Variants in ABTB2 observed in about 807,000 individuals in gnomAD.
The protein encoded by ABTB2 is ankyrin repeat and BTB domain containing 2.
A neutral mutation model predicts 104.1 loss-of-function variants in ABTB2; 56 were observed. The ratio of observed to expected loss-of-function variants is 0.54; its 90% CI spans 0.43 to 0.67. The LOEUF is 0.67. Among genes scored for constraint, ABTB2 ranks in the 30% least tolerant of loss-of-function variants. ABTB2 has a pLI of 0.00. For synonymous variants in ABTB2, 606 were observed against 608.2 expected, an observed-to-expected ratio of 1.00 and a Z score of 0.05; for missense variants, 1,279 against 1,407.7, an observed-to-expected ratio of 0.91 and a Z score of 1.46.
intron 5 of ABTB2, among the ~76,000 whole-genome samples, chr11:34,170,005 C>T (rs901744445): frequency 6.6e-6 from 1 of 152,246 alleles, no homozygotes; most frequent in African/African-American, 2.4e-5. Context: ...CCACTGTCAT[C>T]TAACTCCCCA....
intron 1 of ABTB2, among the ~76,000 whole-genome samples, chr11:34,320,735 C>T (rs1854990183): frequency 6.6e-6 from 1 of 152,176 alleles, no homozygotes; most frequent in Non-Finnish European, 1.5e-5. Context: ...ACTTTATCTC[C>T]CCTGGGCAAT....
chr11:34,333,558 C>T (rs959030103), intron 1 of ABTB2, among the ~76,000 whole-genome samples: 1 of 152,124 alleles, frequency 6.6e-6, no homozygotes, highest in South Asian at 2.1e-4. Context: ...GAGTTCAAGA[C>T]CAGCCTGGCC....
intron 1 of ABTB2, among the ~76,000 whole-genome samples, chr11:34,317,079 G>C (rs895336226): frequency 6.6e-6 from 1 of 152,188 alleles, no homozygotes; most frequent in Admixed American, 6.5e-5. Flanking sequence ...AAAACCAACA[G>C]AACTAGAACA....
chr11:34,335,227 A>G, intron 1 of ABTB2: 2 of 1,279,010 alleles, frequency 1.6e-6, no homozygotes, highest in Non-Finnish European at 1.1e-6. Context: ...TTAAGCATCG[A>G]AGGTCATCAA....
chr11:34,277,799 C>CT (rs1163442976), intron 1 of ABTB2, among the ~76,000 whole-genome samples: 1,434 of 120,624 alleles, frequency 0.012, 19 homozygotes, highest in African/African-American at 0.023. Context: ...AACAGATTCT[C>CT]TTTTTTTTTT....
At chr11:34,330,618 G>A (rs1313494890) in intron 1 of ABTB2, among the ~76,000 whole-genome samples, 1 of 152,172 alleles carries the variant, frequency 6.6e-6, no homozygotes, top group African/African-American at 2.4e-5. Flanking sequence ...TCATAGTGTG[G>A]GGTAAAGGCA....
At chr11:34,313,432 C>A (rs980501658) in intron 1 of ABTB2, among the ~76,000 whole-genome samples, 4 of 152,220 alleles carry the variant, frequency 2.6e-5, no homozygotes, top group African/African-American at 4.8e-5. Context: ...AAGCCAGCAA[C>A]CCCAGCAGCA....
intron 1 of ABTB2, among the ~76,000 whole-genome samples, chr11:34,226,563 G>A (rs1208745622): frequency 1.3e-5 from 2 of 152,326 alleles, no homozygotes; most frequent in East Asian, 3.9e-4. Flanking sequence ...AGGCCACAGA[G>A]TAGGACCATG....
In ABTB2 at chr11:34,165,428, T is replaced by TC. The variant is rs61297344; in HGVS notation, c.1756-73dup. ...GCACCTGGGAAGGGCCAGGGTGCTT[T>TC]CGGGGACAGGGCCTTTGCTTCTCTC... On this transcript the variant is annotated intron_variant, in intron 7 of 16. Coordinates refer to ENST00000435224, the MANE Select transcript of ABTB2 (RefSeq NM_145804.3). 1.2e-3 allele frequency: 1,571 copies of TC among 1,325,442 alleles called. 14 individuals are homozygous for TC. The African/African-American group carries it at 0.021, about 18-fold the overall frequency. The allele number at this position is 1,325,442 out of a possible 1,614,324, so 82.1% of individuals were successfully genotyped here.
At chr11:34,347,420 A>G (rs938897864) in intron 1 of ABTB2, among the ~76,000 whole-genome samples, 2 of 151,412 alleles carry the variant, frequency 1.3e-5, no homozygotes, top group Non-Finnish European at 1.5e-5. Context: ...TGGGTGACAG[A>G]GTGAGACTTT....
At position 34,160,027 on chromosome 11, in the gene ABTB2, CAGAG is replaced by C. The variant is rs1466648570; in HGVS notation, c.2504-23_2504-20del. ...TGTGGATCTGTGAAAAGCGGGGAGA[CAGAG>C]GGATATGGCTGAGGAGTCCCCTGCT... On this transcript the variant is annotated intron_variant, in intron 12 of 16. Coordinates refer to ENST00000435224, the MANE Select transcript of ABTB2 (RefSeq NM_145804.3). 12 of 1,596,300 alleles carry C rather than the reference CAGAG, an allele frequency of 7.5e-6. No individual in the cohort carries two copies. The highest frequency in any genetic ancestry group is 1.0e-5 in the Non-Finnish European group (12 of 1,165,094).
At chr11:34,194,433 G>A (rs183534399) in intron 3 of ABTB2, among the ~76,000 whole-genome samples, 7 of 152,290 alleles carry the variant, frequency 4.6e-5, no homozygotes, top group Admixed American at 2.6e-4. Flanking sequence ...GACAGACGTC[G>A]CACATCCCCA....
At chr11:34,218,846 CAAAAAAAAAAA>C (rs35803950) in intron 1 of ABTB2, among the ~76,000 whole-genome samples, 1 of 60,966 alleles carries the variant, frequency 1.6e-5, no homozygotes, top group African/African-American at 6.3e-5. Flanking sequence ...AACTCCATCT[CAAAAAAAAAAA>C]AAAAAAAAAA....
At chr11:34,251,325 C>CA (rs1159539363) in intron 1 of ABTB2, among the ~76,000 whole-genome samples, 25 of 152,370 alleles carry the variant, frequency 1.6e-4, no homozygotes, top group African/African-American at 5.5e-4. Context: ...ACAGCGCTGA[C>CA]ACTGATTCTG....
At chr11:34,184,341 G>C (rs1468089516) in intron 3 of ABTB2, among the ~76,000 whole-genome samples, 2 of 152,250 alleles carry the variant, frequency 1.3e-5, no homozygotes, top group Non-Finnish European at 2.9e-5. Context: ...CCGGGGCCAA[G>C]GTGGCTTCTG....
At chr11:34,285,166 A>G (rs552695599) in intron 1 of ABTB2, among the ~76,000 whole-genome samples, 12 of 152,252 alleles carry the variant, frequency 7.9e-5, no homozygotes, top group Non-Finnish European at 1.5e-4. Flanking sequence ...TCTGCCAATC[A>G]AAAGGAAACC....
chr11:34,270,186 TCTC>T (rs1324699831), intron 1 of ABTB2, among the ~76,000 whole-genome samples: 3 of 152,100 alleles, frequency 2.0e-5, no homozygotes, highest in African/African-American at 4.8e-5. Flanking sequence ...GGCTGAGAAT[TCTC>T]CTCTAGAATC....
intron 1 of ABTB2, among the ~76,000 whole-genome samples, chr11:34,320,240 C>A (rs950909080): frequency 6.6e-6 from 1 of 152,092 alleles, no homozygotes; most frequent in Non-Finnish European, 1.5e-5. Context: ...CACAGATGAC[C>A]CAAATAGAAA....
chr11:34,201,980 C>T (rs928134557), intron 2 of ABTB2, among the ~76,000 whole-genome samples: 16 of 152,206 alleles, frequency 1.1e-4, no homozygotes, highest in Non-Finnish European at 1.6e-4. Flanking sequence ...CACACACACA[C>T]GTGTGCACGC....
Sources: gnomAD v4.1 joint callset for allele counts (sites outside exome capture counted in the v4.1 genomes callset) on GRCh38, gnomAD v4.1.1 for gene constraint, MANE v1.5 for transcripts, NCBI Gene and HGNC (gene_info 2026-07-23, HGNC 2026-07-21) for gene names.